Variants in RRP1 observed in about 807,000 individuals in gnomAD.
RRP1 encodes the protein ribosomal RNA processing 1.
A neutral mutation model predicts 54.6 loss-of-function variants in RRP1; 37 were observed. The observed-to-expected ratio is 0.68, with a 90% CI of 0.52 to 0.89. RRP1 has a LOEUF of 0.89. Ranked by LOEUF, RRP1 falls within the 40% of genes least tolerant of loss-of-function variation. The probability of loss-of-function intolerance (pLI) is 0.00; values close to 1 mark genes in which losing one functional copy is unlikely to be tolerated. For synonymous variants in RRP1, 262 were observed against 244.3 expected (o/e 1.07, Z -0.67); for missense variants, 639 against 612.5 (o/e 1.04, Z -0.46).
At chr21:43,802,484 T>C (rs2123422948) in intron 12 of RRP1, 97 bp downstream of exon 12, 1 of 948,816 alleles carries the variant, frequency 1.1e-6, no homozygotes, top group East Asian at 2.5e-5. Context: ...CCCTGAAGCA[T>C]GAGTGCCGAG....
intron 5 of RRP1, among the ~76,000 whole-genome samples, chr21:43,796,853 C>G (rs536052992): frequency 6.6e-6 from 1 of 152,198 alleles, no homozygotes; most frequent in Non-Finnish European, 1.5e-5. Context: ...GTCTTCAGAT[C>G]CAGGGCCTGT....
rs962757984 is a variant in RRP1 at position 43,797,845 on chromosome 21, C to T, written c.618-62C>T. The T allele has an allele frequency of 3.4e-5, 54 of 1,572,728 alleles. No individual in the cohort carries two copies. In the African/African-American group the frequency reaches 4.6e-4, roughly 13 times the overall value. On this transcript the variant is annotated intron_variant, in intron 7 of 12. Transcript: ENST00000497547. ...TGGGGAGAGGTTGCAGGGGAGTCGG[C>T]GGCTTCCGCTTGGGAATCCAGCATA... is the stretch of plus-strand genomic sequence containing the variant.
At position 43,797,469 on chromosome 21, in the gene RRP1, C is replaced by G. The variant is rs758838830; in HGVS notation, c.470C>G (p.Pro157Arg). The change falls in exon 6 of 13, where the codon CCC (proline) becomes CGC (arginine). Residue 157 changes from proline (P) to arginine (R), a missense_variant. By Grantham distance (103) the Pro-to-Arg change is moderately radical. Transcript: ENST00000497547. ...CTGCTGATGACTGAGATCCTGCACC[C>G]CAGCAGCCAGGCCCCCAACGGTGTG... is the stretch of plus-strand genomic sequence containing the variant. ...LELLMTEILHPSSQAPNGVKS... is the reference protein window; with the variant it reads ...LELLMTEILHRSSQAPNGVKS... The G allele has an allele frequency of 1.2e-6, 2 of 1,613,738 alleles. No homozygotes were observed. Among genetic ancestry groups the G allele is most frequent in the Admixed American group, 3.3e-5 (2 of 60,012 alleles).
At position 43,792,729 on chromosome 21, in the gene RRP1, C is replaced by A; in HGVS notation, c.274C>A (p.Gln92Lys). Residue 92 changes from glutamine (Q) to lysine (K), a missense_variant and splice_region_variant, in exon 3 of 13, where the codon CAG becomes AAG. Physicochemically the swap from Gln to Lys is moderately conservative, Grantham distance 53. Transcript: ENST00000497547. Reference protein sequence around the residue: ...LVHAFQTTEAQHLFLQAFWQT... With the variant: ...LVHAFQTTEAKHLFLQAFWQT... ...TCATGCTTTTCAGACCACGGAGGCG[C>A]GTGAGTATGCTCTGCTGTAGTTGGG... The A allele has an allele frequency of 4.3e-6, 7 of 1,613,984 alleles. No individual in the cohort carries two copies. The highest frequency in any genetic ancestry group is 5.9e-6 in the Non-Finnish European group (7 of 1,179,918).
chr21:43,801,688 C>T (rs1407896027), intron 11 of RRP1, among the ~76,000 whole-genome samples: 1 of 152,092 alleles, frequency 6.6e-6, no homozygotes, highest in Non-Finnish European at 1.5e-5. Context: ...CCCGGCTGGT[C>T]GTCTGGGGTT....
intron 1 of RRP1, chr21:43,791,021 C>A: frequency 2.1e-6 from 1 of 483,352 alleles, no homozygotes; most frequent in Non-Finnish European, 4.1e-6. Flanking sequence ...AACAGATTAA[C>A]CTTGTGGCCA....
At chr21:43,800,223 TGCAG>T (rs1484034911) in intron 9 of RRP1, among the ~76,000 whole-genome samples, 2 of 152,266 alleles carry the variant, frequency 1.3e-5, no homozygotes, top group African/African-American at 4.8e-5. Context: ...GTGGTAAAGC[TGCAG>T]GCAGGCTACC....
chr21:43,803,341 C>T (rs934882769), intron 12 of RRP1, among the ~76,000 whole-genome samples, 171 bp from the exon 13 acceptor site: 12 of 152,152 alleles, frequency 7.9e-5, no homozygotes, highest in African/African-American at 2.2e-4. Context: ...GGTCCTGAGC[C>T]GTGTGGATGG....
At chr21:43,796,474 C>G (rs779601082) in intron 5 of RRP1, among the ~76,000 whole-genome samples, 28 of 152,118 alleles carry the variant, frequency 1.8e-4, no homozygotes, top group Non-Finnish European at 3.4e-4. Flanking sequence ...ACCTCGGTGC[C>G]TTCCCCCAAT....
chr21:43,792,341 C>T lies in RRP1; in HGVS notation c.217-331C>T, dbSNP rs549414589. Among the ~76,000 whole-genome samples the T allele has an allele frequency of 1.4e-3, 208 of 152,310 alleles. 1 individual carries two copies. The highest frequency in any genetic ancestry group is 0.011 in the Admixed American group (170 of 15,302). On this transcript the variant is annotated intron_variant, in intron 2 of 12. Coordinates refer to ENST00000497547, the MANE Select transcript of RRP1 (RefSeq NM_003683.6). ...GGCTGTGAGTCCCAAGGCTCCCTTCCGCTCTCCCACGTCCCTCTTTAACCG... is the reference window on the plus strand; with the variant it reads ...GGCTGTGAGTCCCAAGGCTCCCTTCTGCTCTCCCACGTCCCTCTTTAACCG...
At chr21:43,791,009 C>A (rs1226563543) in intron 1 of RRP1, 2 of 474,768 alleles carry the variant, frequency 4.2e-6, no homozygotes, top group Admixed American at 4.6e-5. Flanking sequence ...TGAATTATCA[C>A]CAACAGATTA....
chr21:43,799,346 G>A (rs953630244), intron 8 of RRP1, among the ~76,000 whole-genome samples: 5 of 150,770 alleles, frequency 3.3e-5, no homozygotes, highest in African/African-American at 7.3e-5. Context: ...CTGTCCATAC[G>A]AGATTAGAGG....
chr21:43,791,429 C>G lies in RRP1; in HGVS notation c.213C>G (p.Leu71=). 1 of 1,613,836 alleles carries G rather than the reference C, an allele frequency of 6.2e-7. No homozygotes were observed. Among genetic ancestry groups the G allele is most frequent in the Non-Finnish European group, 8.5e-7 (1 of 1,179,828 alleles). The part of the protein sequence containing the change: ...YCMWMQDKPL[L]QEELGRTISQ... ...TGTGGATGCAGGACAAGCCACTCCT[C>G]CAGGTGAGTGGGGGGAGCAGCAGAG... The change falls in exon 2 of 13, where the codon CTC becomes CTG. Residue 71 remains leucine, a synonymous_variant. Transcript: ENST00000497547.
In RRP1 at chr21:43,798,676, C is replaced by T. The variant is rs1167999940; in HGVS notation, c.811+576C>T. On this transcript the variant is annotated intron_variant, in intron 8 of 12. Coordinates refer to ENST00000497547, the MANE Select transcript of RRP1 (RefSeq NM_003683.6). ...GTGTGTGAGGGGCAGGTGTACTCAC[C>T]TGCCCCTCACTGCCTGCCAGAGGCC... 3.9e-5 allele frequency among the ~76,000 whole-genome samples: 6 copies of T among 152,110 alleles called. No homozygotes were observed. In the East Asian group the frequency reaches 1.2e-3, roughly 30 times the overall value.
At chr21:43,795,301 A>T in intron 5 of RRP1, 51 bp downstream of exon 5, 1 of 1,560,486 alleles carries the variant, frequency 6.4e-7, no homozygotes, top group Non-Finnish European at 8.8e-7. Context: ...CGGGGACCGC[A>T]GTCGTGTTTG....
intron 8 of RRP1, among the ~76,000 whole-genome samples, chr21:43,798,842 C>G (rs963671236): frequency 1.3e-5 from 2 of 152,116 alleles, no homozygotes; most frequent in Non-Finnish European, 2.9e-5. Context: ...CGCTCAGGAC[C>G]CCAGTATGCC....
Position 43,803,915 on chromosome 21 carries a change from G to C in RRP1, c.*141G>C, listed in dbSNP as rs1330641021. On this transcript the variant is annotated 3_prime_UTR_variant, in exon 13 of 13. Coordinates refer to ENST00000497547, the MANE Select transcript of RRP1 (RefSeq NM_003683.6). ...GGCGGGAGGGAAGGGCGGCACTGGAGAGATGGGCCCATCATTAGGGGCCAG... is the reference window on the plus strand; with the variant it reads ...GGCGGGAGGGAAGGGCGGCACTGGACAGATGGGCCCATCATTAGGGGCCAG... The C allele has an allele frequency of 2.9e-6, 3 of 1,031,110 alleles. No individual in the cohort carries two copies. The African/African-American group carries it at 4.9e-5, about 17-fold the overall frequency. The allele number at this position is 1,031,110 out of a possible 1,614,324, so 63.9% of individuals were successfully genotyped here.
intron 12 of RRP1, among the ~76,000 whole-genome samples, chr21:43,802,810 C>T (rs1437613449): frequency 6.6e-6 from 1 of 152,260 alleles, no homozygotes; most frequent in Non-Finnish European, 1.5e-5. Context: ...CTGGGGCTGC[C>T]TTCCGTGTTG....
chr21:43,793,545 C>A, intron 4 of RRP1, 141 bp downstream of exon 4: 1 of 663,672 alleles, frequency 1.5e-6, no homozygotes, highest in Non-Finnish European at 2.6e-6. Flanking sequence ...GGAGCCGAGA[C>A]TCTGGGCGGT....
Sources: allele counts gnomAD v4.1 joint callset (sites outside exome capture counted in the v4.1 genomes callset), GRCh38; gene constraint gnomAD v4.1.1; transcripts MANE v1.5; gene names NCBI Gene and HGNC (gene_info 2026-07-23, HGNC 2026-07-21).